MYRIP: variants seen among roughly 807,000 people sequenced by gnomAD.
MYRIP encodes rab effector MyRIP.
Under a neutral mutation model 98.0 loss-of-function variants are expected in MYRIP, and 49 were observed. The observed-to-expected ratio is 0.50, with a 90% CI of 0.40 to 0.63. MYRIP has a LOEUF of 0.63. MYRIP is among the 30% of genes least tolerant of loss of function. The pLI is 0.00. For missense variants in MYRIP, 1,004 were observed against 1,058.2 expected (o/e 0.95, Z 0.71); for synonymous variants, 404 against 409.5 (o/e 0.99, Z 0.16).
rs192862971 is a variant in MYRIP at position 40,119,228 on chromosome 3, C to G, written c.333-31820C>G. Among the ~76,000 whole-genome samples the G allele has an allele frequency of 9.9e-3, 1,502 of 152,174 alleles. 11 individuals are homozygous for G. Among genetic ancestry groups the G allele is most frequent in the Middle Eastern group, 0.017 (5 of 294 alleles). ...AAAAGTGTTCCTATTTCTCCACATC[C>G]TCTCCAGCACCTGTTGTTTCCTGAC... On this transcript the variant is annotated intron_variant, in intron 3 of 16. Coordinates refer to ENST00000302541, the MANE Select transcript of MYRIP (RefSeq NM_015460.4).
At chr3:40,162,907 CCCCA>C in intron 5 of MYRIP, 97 bp downstream of exon 5, 1 of 1,088,724 alleles carries the variant, frequency 9.2e-7, no homozygotes, top group Non-Finnish European at 1.4e-6. Flanking sequence ...TGCATTGTTA[CCCCA>C]GATGCAACTA....
At chr3:39,836,098 G>T (rs1338708339) in intron 1 of MYRIP, among the ~76,000 whole-genome samples, 1 of 152,054 alleles carries the variant, frequency 6.6e-6, no homozygotes, top group African/African-American at 2.4e-5. Flanking sequence ...TAATCCTTTG[G>T]TTATATACCC....
intron 2 of MYRIP, among the ~76,000 whole-genome samples, chr3:39,942,784 T>C (rs191047549): frequency 1.7e-3 from 256 of 152,246 alleles, no homozygotes; most frequent in African/African-American, 5.8e-3. Context: ...TTTGTACCCA[T>C]TAATCAACCT....
chr3:39,813,155 T>G (rs553017995), intron 1 of MYRIP, among the ~76,000 whole-genome samples: 1 of 152,232 alleles, frequency 6.6e-6, no homozygotes, highest in East Asian at 1.9e-4. Flanking sequence ...GGCTGGTATC[T>G]CTTTTCACAG....
chr3:39,971,657 A>G lies in MYRIP; in HGVS notation c.110+70731A>G, dbSNP rs1275297260. 3.3e-5 allele frequency among the ~76,000 whole-genome samples: 5 copies of G among 152,086 alleles called. 1 individual carries two copies. Among genetic ancestry groups the G allele is most frequent in the African/African-American group, 1.2e-4 (5 of 41,458 alleles). On this transcript the variant is annotated intron_variant, in intron 2 of 16. Coordinates refer to ENST00000302541, the MANE Select transcript of MYRIP (RefSeq NM_015460.4). ...TAAGCTGACCATGTGCTAATTGGGA[A>G]CAGGACTCCTTAGAGATCACCAAGA... is the stretch of plus-strand genomic sequence containing the variant.
chr3:40,219,388 G>A lies in MYRIP; in HGVS notation c.1905+9295G>A, dbSNP rs1952252086. Among the ~76,000 whole-genome samples the A allele has an allele frequency of 2.0e-5, 3 of 152,138 alleles. No individual in the cohort carries two copies. In the South Asian group the frequency reaches 6.2e-4, roughly 32 times the overall value. Reference sequence around the variant, plus strand: ...TTAGGGTACATGTGCACAACGTGCAGGTTTGTTACATATGTATACATGTGC... The same window carrying A: ...TTAGGGTACATGTGCACAACGTGCAAGTTTGTTACATATGTATACATGTGC... On this transcript the variant is annotated intron_variant, in intron 11 of 16. Coordinates refer to ENST00000302541, the MANE Select transcript of MYRIP (RefSeq NM_015460.4).
rs1196007356 is a variant in MYRIP at position 40,066,995 on chromosome 3, CTA to C, written c.332+22727_332+22728del. On this transcript the variant is annotated intron_variant, in intron 3 of 16. Coordinates refer to ENST00000302541, the MANE Select transcript of MYRIP (RefSeq NM_015460.4). Reference sequence around the variant, plus strand: ...TTGCTTTTCTGTCCTTTTTGCTTTTCTATAGTTTCCAAAGCTTTTACTATCAA... The same window carrying C: ...TTGCTTTTCTGTCCTTTTTGCTTTTCTAGTTTCCAAAGCTTTTACTATCAA... Among the ~76,000 whole-genome samples the C allele has an allele frequency of 2.0e-5, 3 of 152,076 alleles. 1 individual carries two copies. Among genetic ancestry groups the C allele is most frequent in the African/African-American group, 7.2e-5 (3 of 41,422 alleles).
chr3:39,886,760 G>A (rs1438248590), intron 1 of MYRIP, among the ~76,000 whole-genome samples: 1 of 151,390 alleles, frequency 6.6e-6, no homozygotes, highest in Admixed American at 6.6e-5. Flanking sequence ...ACACCCCACT[G>A]TCAACATTAG....
chr3:40,138,429 T>C (rs754004183), intron 3 of MYRIP, among the ~76,000 whole-genome samples: 12 of 152,228 alleles, frequency 7.9e-5, no homozygotes, highest in Non-Finnish European at 1.8e-4. Context: ...ATGTTGTCAT[T>C]GGTAAATTTT....
chr3:40,065,450 T>A (rs891123212), intron 3 of MYRIP, among the ~76,000 whole-genome samples: 4 of 147,878 alleles, frequency 2.7e-5, no homozygotes, highest in African/African-American at 9.9e-5. Context: ...GCTGTGGGAT[T>A]TTCTGTGTTT....
At chr3:40,243,329 T>C (rs1329714590) in intron 12 of MYRIP, among the ~76,000 whole-genome samples, 1 of 149,694 alleles carries the variant, frequency 6.7e-6, no homozygotes, top group African/African-American at 2.5e-5. Flanking sequence ...GATGAGTGAA[T>C]CATGCCAAGG....
At chr3:40,107,409 G>C (rs991746487) in intron 3 of MYRIP, among the ~76,000 whole-genome samples, 1 of 152,164 alleles carries the variant, frequency 6.6e-6, no homozygotes, top group African/African-American at 2.4e-5. Context: ...TTGCCATAAA[G>C]TTGTATAAAA....
chr3:39,876,378 G>T (rs2125637402), intron 1 of MYRIP, among the ~76,000 whole-genome samples: 1 of 152,268 alleles, frequency 6.6e-6, no homozygotes, highest in South Asian at 2.1e-4. Flanking sequence ...ATTTGATCCT[G>T]TCATTATGAT....
Position 40,172,434 on chromosome 3 carries a change from G to A in MYRIP, c.873+2341G>A, listed in dbSNP as rs144681133. On this transcript the variant is annotated intron_variant, in intron 8 of 16. Transcript: ENST00000302541. ...TGGCATGCATGGAGGCTCTAAGCGG[G>A]AAGGAACTTGGCATGTTCAAGAAAT... Among the ~76,000 whole-genome samples the A allele has an allele frequency of 4.1e-3, 621 of 152,290 alleles. 9 individuals are homozygous for A. Among genetic ancestry groups the A allele is most frequent in the Admixed American group, 0.023 (356 of 15,300 alleles).
At chr3:39,834,177 A>G (rs550056431) in intron 1 of MYRIP, among the ~76,000 whole-genome samples, 1 of 152,316 alleles carries the variant, frequency 6.6e-6, no homozygotes, top group South Asian at 2.1e-4. Flanking sequence ...TTTAAGATGA[A>G]GCTGCAGCTA....
chr3:39,982,168 A>T (rs532744271), intron 2 of MYRIP, among the ~76,000 whole-genome samples: 109 of 152,296 alleles, frequency 7.2e-4, no homozygotes, highest in African/African-American at 2.6e-3. Flanking sequence ...ATCAAGATAC[A>T]CCAAATGGGA....
chr3:39,952,754 G>A (rs150801621), intron 2 of MYRIP, among the ~76,000 whole-genome samples: 2 of 152,244 alleles, frequency 1.3e-5, no homozygotes, highest in African/African-American at 4.8e-5. Flanking sequence ...ATCTACGAAT[G>A]CCTTTGTTTT....
intron 1 of MYRIP, among the ~76,000 whole-genome samples, chr3:39,886,906 A>G (rs1472579243): frequency 2.0e-5 from 3 of 151,610 alleles, no homozygotes; most frequent in Non-Finnish European, 4.4e-5. Flanking sequence ...GCACCACACC[A>G]CACCTATTCC....
rs141672170 is a variant in MYRIP at position 39,900,088 on chromosome 3, C to A, written c.-30-699C>A. Among the ~76,000 whole-genome samples, 908 of 152,198 alleles carry A rather than the reference C, an allele frequency of 6.0e-3. 7 individuals carry two copies. Among genetic ancestry groups the A allele is most frequent in the African/African-American group, 0.02 (810 of 41,536 alleles). On this transcript the variant is annotated intron_variant, in intron 1 of 16. Transcript: ENST00000302541. ...TGCCCACTTCGGCCTCCCAAAGTGCCGGGATTACAGGCTTGAGCCACTGTG... is the reference window on the plus strand; with the variant it reads ...TGCCCACTTCGGCCTCCCAAAGTGCAGGGATTACAGGCTTGAGCCACTGTG...
Sources: allele counts gnomAD v4.1 joint callset (sites outside exome capture counted in the v4.1 genomes callset), GRCh38; gene constraint gnomAD v4.1.1; transcripts MANE v1.5; gene names NCBI Gene and HGNC (gene_info 2026-07-23, HGNC 2026-07-21).